The following ANKRD17 variants were observed in gnomAD, a reference collection of about 807,000 sequenced individuals.
ANKRD17 encodes the protein ankyrin repeat domain-containing protein 17.
Under a neutral mutation model 229.7 loss-of-function variants are expected in ANKRD17, and 19 were observed. The observed-to-expected ratio is 0.08, with a 90% CI of 0.06 to 0.12. ANKRD17 has a LOEUF of 0.12. Ranked by LOEUF, ANKRD17 falls within the 10% of genes least tolerant of loss-of-function variation. ANKRD17 has a pLI of 1.00. For synonymous variants in ANKRD17, 1,112 were observed against 1,146.1 expected (o/e 0.97, Z 0.60); for missense variants, 2,176 against 3,176.8 (o/e 0.68, Z 7.57).
In ANKRD17 at chr4:73,148,836, A is replaced by G. The variant is rs1730635609; in HGVS notation, c.1544T>C (p.Met515Thr). The change falls in exon 8 of 34, where the codon ATG (methionine) becomes ACG (threonine). Residue 515 changes from methionine (M) to threonine (T), a missense_variant. Physicochemically the swap from Met to Thr is moderately conservative, Grantham distance 81 (BLOSUM62 -1). Coordinates refer to ENST00000358602, the MANE Select transcript of ANKRD17 (RefSeq NM_032217.5). Reference sequence around the variant, plus strand: ...ACCTTGACCAAGAAGTAATGCCACCATTTCTTCATGTCCTTCTCGAGCTGC... The same window carrying G: ...ACCTTGACCAAGAAGTAATGCCACCGTTTCTTCATGTCCTTCTCGAGCTGC... Reference protein sequence around the residue: ...MEAAREGHEEMVALLLGQGAN... With the variant: ...MEAAREGHEETVALLLGQGAN... The G allele has an allele frequency of 6.2e-7, 1 of 1,613,836 alleles. No homozygotes were observed. The highest frequency in any genetic ancestry group is 1.1e-5 in the South Asian group (1 of 91,082).
chr4:73,135,854 C>T (rs1043053138), intron 15 of ANKRD17, among the ~76,000 whole-genome samples: 7 of 152,202 alleles, frequency 4.6e-5, no homozygotes, highest in South Asian at 2.1e-4. Context: ...TATCCTCACA[C>T]AGAAGTGTAG....
intron 25 of ANKRD17, chr4:73,101,284 AGAT>A (rs1189414324): frequency 2.2e-6 from 2 of 889,002 alleles, no homozygotes; most frequent in East Asian, 1.2e-4. Context: ...TCTGGATTGT[AGAT>A]GATATTATGA....
intron 1 of ANKRD17, among the ~76,000 whole-genome samples, chr4:73,232,969 C>T (rs530416721): frequency 2.0e-5 from 3 of 152,230 alleles, no homozygotes; most frequent in South Asian, 2.1e-4. Context: ...GTGATCCACC[C>T]GCCTTGGCCT....
chr4:73,098,608 G>C, intron 25 of ANKRD17, 88 bp from the exon 26 acceptor site: 1 of 1,220,128 alleles, frequency 8.2e-7, no homozygotes, highest in Non-Finnish European at 1.2e-6. Context: ...GAAAAACCCA[G>C]GAGAGATACT....
intron 22 of ANKRD17, 78 bp downstream of exon 22, chr4:73,118,610 C>A (rs1726293599): frequency 6.6e-7 from 1 of 1,512,478 alleles, no homozygotes; most frequent in African/African-American, 1.4e-5. Context: ...CAAAATGAGT[C>A]TTTAGTGATC....
In ANKRD17 at chr4:73,144,925, T is replaced by C. The variant is rs566586045; in HGVS notation, c.1870-93A>G. ...ATCAAAAGGAAAATAATTGGACTGA[T>C]TTCTGAATCTAAATATTTAAATATA... On this transcript the variant is annotated intron_variant, in intron 10 of 33. Coordinates refer to ENST00000358602, the MANE Select transcript of ANKRD17 (RefSeq NM_032217.5). The C allele has an allele frequency of 7.3e-5, 54 of 737,852 alleles. No individual in the cohort carries two copies. In the South Asian group the frequency reaches 1.3e-3, roughly 18 times the overall value. The allele number at this position is 737,852 out of a possible 1,614,324, so 45.7% of individuals were successfully genotyped here.
chr4:73,213,030 G>GAAA (rs1740517867), intron 1 of ANKRD17, among the ~76,000 whole-genome samples: 1 of 9,268 alleles, frequency 1.1e-4, no homozygotes, highest in East Asian at 1.8e-3. Flanking sequence ...CCGTTTCAGG[G>GAAA]GAAAAAAAAA....
chr4:73,208,188 C>CAA (rs36126530), intron 1 of ANKRD17, among the ~76,000 whole-genome samples: 2,644 of 66,932 alleles, frequency 0.04, 251 homozygotes, highest in Middle Eastern at 0.058. Context: ...GACTCCGTCT[C>CAA]AAAAAAAAAA....
At chr4:73,179,404 TTATA>T (rs1048918194) in intron 1 of ANKRD17, among the ~76,000 whole-genome samples, 5 of 144,304 alleles carry the variant, frequency 3.5e-5, no homozygotes, top group East Asian at 2.0e-4. Context: ...ATATTTTAAA[TTATA>T]TATATATGTG....
At chr4:73,189,547 C>T (rs1736768636) in intron 1 of ANKRD17, among the ~76,000 whole-genome samples, 1 of 151,992 alleles carries the variant, frequency 6.6e-6, no homozygotes, top group Non-Finnish European at 1.5e-5. Flanking sequence ...CAGGCGGTCA[C>T]CACCATGCCT....
chr4:73,147,680 G>C (rs4694156), intron 8 of ANKRD17, among the ~76,000 whole-genome samples: 67,697 of 151,676 alleles, frequency 0.45, 15,347 homozygotes, highest in Admixed American at 0.53. Flanking sequence ...GGTACAAGTC[G>C]GGTGATAAAA....
intron 29 of ANKRD17, among the ~76,000 whole-genome samples, chr4:73,086,773 T>C (rs1287468249): frequency 6.7e-6 from 1 of 149,566 alleles, no homozygotes; most frequent in Non-Finnish European, 1.5e-5. Flanking sequence ...TTTTACCTTT[T>C]ATTAGCTTTT....
chr4:73,175,109 C>A (rs1019794261), intron 2 of ANKRD17, among the ~76,000 whole-genome samples: 1 of 151,972 alleles, frequency 6.6e-6, no homozygotes, highest in Non-Finnish European at 1.5e-5. Flanking sequence ...TATAAATAAC[C>A]GAGACAGGGT....
chr4:73,098,741 G>A, intron 25 of ANKRD17: 4 of 963,294 alleles, frequency 4.2e-6, no homozygotes, highest in Non-Finnish European at 6.5e-6. Flanking sequence ...AAATATTTTG[G>A]GGGGCATTTC....
intron 1 of ANKRD17, among the ~76,000 whole-genome samples, chr4:73,188,009 A>G (rs1237597250): frequency 6.6e-6 from 1 of 152,178 alleles, no homozygotes; most frequent in Non-Finnish European, 1.5e-5. Context: ...AGAACTTAGT[A>G]TATCACAAAC....
intron 28 of ANKRD17, 78 bp from the exon 29 acceptor site, chr4:73,092,378 G>T: frequency 8.7e-7 from 1 of 1,145,588 alleles, no homozygotes; most frequent in Non-Finnish European, 1.2e-6. Context: ...ATGTATTTAT[G>T]TACACAAACA....
At chr4:73,097,972 CT>C in intron 26 of ANKRD17, 100 bp downstream of exon 26, 1 of 1,112,812 alleles carries the variant, frequency 9.0e-7, no homozygotes, top group Non-Finnish European at 1.3e-6. Context: ...AAGAAAAATC[CT>C]ATTTTGCAAG....
Position 73,091,665 on chromosome 4 carries a change from C to A in ANKRD17, c.5963G>T (p.Ser1988Ile). 6.2e-7 allele frequency: 1 copy of A among 1,614,188 alleles called. No homozygotes were observed. Among genetic ancestry groups the A allele is most frequent in the African/African-American group, 1.3e-5 (1 of 75,036 alleles). ...CCTTCGGACAGAAGGTGAACTTGGA[C>A]TGCCATTTGTAGATGTACCAGGCAC... ...STVPGTSTNG[S>I]PSSPSVRRQL... The change falls in exon 29 of 34, where the codon AGT becomes ATT. Residue 1988 changes from serine (S) to isoleucine (I), a missense_variant. This residue lies in a region of ANKRD17 where 424 missense variants were observed against 454.0 expected (regional missense o/e 0.93). Transcript: ENST00000358602.
intron 1 of ANKRD17, among the ~76,000 whole-genome samples, chr4:73,248,381 C>T (rs1744690782): frequency 6.6e-6 from 1 of 151,852 alleles, no homozygotes; most frequent in African/African-American, 2.4e-5. Context: ...AACATAGATG[C>T]CCCAAAAAAG....
Sources: allele counts gnomAD v4.1 joint callset (sites outside exome capture counted in the v4.1 genomes callset), GRCh38; gene constraint gnomAD v4.1.1; regional missense constraint gnomAD v4.1.1; transcripts MANE v1.5; gene names NCBI Gene and HGNC (gene_info 2026-07-23, HGNC 2026-07-21).